The following ARHGEF33 variants were observed in gnomAD, a reference collection of about 807,000 sequenced individuals.
ARHGEF33 encodes Rho guanine nucleotide exchange factor 33, also known as DH and coiled-coil domain-containing protein ENSP00000381780.
In ARHGEF33, 72 loss-of-function variants were observed where a neutral mutation model predicts 101.9. The observed-to-expected ratio is 0.71, with a 90% CI of 0.58 to 0.86. The LOEUF (loss-of-function observed/expected upper bound fraction) is 0.86, where lower values mean the gene tolerates loss of function less well. Ranked by LOEUF, ARHGEF33 falls within the 40% of genes least tolerant of loss-of-function variation. The pLI, the probability that ARHGEF33 is intolerant of heterozygous loss-of-function variation, is 0.00. For missense variants in ARHGEF33, 1,169 were observed against 1,111.3 expected (o/e 1.05, Z -0.74); for synonymous variants, 499 against 442.5 (o/e 1.13, Z -1.60).
At chr2:38,967,517 C>G (rs892570083) in intron 17 of ARHGEF33, among the ~76,000 whole-genome samples, 1 of 152,182 alleles carries the variant, frequency 6.6e-6, no homozygotes, top group Non-Finnish European at 1.5e-5. Context: ...CAACATCTGT[C>G]AAGTTGACAG....
chr2:38,894,985 G>C (rs553820357), intron 1 of ARHGEF33, among the ~76,000 whole-genome samples: 1 of 152,120 alleles, frequency 6.6e-6, no homozygotes, highest in South Asian at 2.1e-4. Context: ...AGGAAAAAAA[G>C]AGGAAGCCAA....
chr2:38,899,609 G>A (rs1356794879), intron 2 of ARHGEF33, among the ~76,000 whole-genome samples: 1 of 152,130 alleles, frequency 6.6e-6, no homozygotes, highest in Non-Finnish European at 1.5e-5. Context: ...ATTTCAGTAA[G>A]ACAGGAGGAA....
intron 9 of ARHGEF33, among the ~76,000 whole-genome samples, chr2:38,941,700 A>C (rs1667312401): frequency 6.6e-6 from 1 of 151,712 alleles, no homozygotes; most frequent in South Asian, 2.1e-4. Context: ...GCCGTCCACC[A>C]CCACACCTGG....
At chr2:38,902,804 G>T (rs1666279192) in intron 2 of ARHGEF33, among the ~76,000 whole-genome samples, 1 of 152,136 alleles carries the variant, frequency 6.6e-6, no homozygotes, top group Non-Finnish European at 1.5e-5. Context: ...AATGAGCAAA[G>T]AAATATATAA....
intron 14 of ARHGEF33, 37 bp downstream of exon 14, chr2:38,957,084 C>T: frequency 1.3e-6 from 2 of 1,550,042 alleles, no homozygotes; most frequent in African/African-American, 1.4e-5. Context: ...GGGTCGAAGA[C>T]CAGTTACTAT....
At chr2:38,945,289 A>G (rs1667414234) in intron 10 of ARHGEF33, among the ~76,000 whole-genome samples, 1 of 152,172 alleles carries the variant, frequency 6.6e-6, no homozygotes, top group South Asian at 2.1e-4. Flanking sequence ...GCTGCCAACA[A>G]TACACTCAAA....
At chr2:38,895,983 T>A (rs1666113099) in intron 2 of ARHGEF33, 134 bp downstream of exon 2, 1 of 152,208 alleles carries the variant, frequency 6.6e-6, no homozygotes, top group Non-Finnish European at 1.5e-5. Context: ...ATTCTTGGTT[T>A]GATAACCATC....
intron 1 of ARHGEF33, among the ~76,000 whole-genome samples, chr2:38,895,313 C>T (rs182257699): frequency 1.8e-4 from 28 of 152,254 alleles, no homozygotes; most frequent in East Asian, 5.8e-4. Context: ...CTTCAATTGG[C>T]GCTTAAAGAA....
At chr2:38,965,013 A>AC (rs1668022918) in intron 16 of ARHGEF33, among the ~76,000 whole-genome samples, 1 of 151,252 alleles carries the variant, frequency 6.6e-6, no homozygotes, top group Non-Finnish European at 1.5e-5. Flanking sequence ...TGTATCTGCA[A>AC]CCCCCAGTTC....
At chr2:38,967,875 C>G (rs374091146) in intron 17 of ARHGEF33, among the ~76,000 whole-genome samples, 4 of 151,270 alleles carry the variant, frequency 2.6e-5, no homozygotes, top group African/African-American at 4.9e-5. Context: ...CCACCGCACC[C>G]GGCCAGACTC....
chr2:38,896,204 T>A (rs982175457), intron 2 of ARHGEF33, among the ~76,000 whole-genome samples: 3 of 152,208 alleles, frequency 2.0e-5, no homozygotes, highest in South Asian at 4.1e-4. Context: ...AGTGGTGTGA[T>A]CTTAGGTCAC....
At chr2:38,923,461 T>G (rs758080319) in intron 4 of ARHGEF33, among the ~76,000 whole-genome samples, 7 of 152,198 alleles carry the variant, frequency 4.6e-5, no homozygotes, top group Non-Finnish European at 1.0e-4. Flanking sequence ...TCTCATTTTA[T>G]TTTCTGGATA....
chr2:38,945,205 T>G (rs1214568080), intron 10 of ARHGEF33, among the ~76,000 whole-genome samples: 4 of 152,336 alleles, frequency 2.6e-5, no homozygotes, highest in Middle Eastern at 3.4e-3. Context: ...TCATAAATTC[T>G]GAATCTACCC....
intron 9 of ARHGEF33, among the ~76,000 whole-genome samples, chr2:38,939,109 A>G (rs1454758103): frequency 6.6e-6 from 1 of 152,120 alleles, no homozygotes; most frequent in African/African-American, 2.4e-5. Context: ...AGTAGCTGGG[A>G]TTACAGGCGT....
At chr2:38,918,036 C>T (rs901979812) in intron 2 of ARHGEF33, among the ~76,000 whole-genome samples, 1 of 152,144 alleles carries the variant, frequency 6.6e-6, no homozygotes, top group African/African-American at 2.4e-5. Context: ...TTGTAAGCAA[C>T]AGCAAACAAT....
At chr2:38,917,846 AAG>A (rs1208409555) in intron 2 of ARHGEF33, among the ~76,000 whole-genome samples, 195 of 151,962 alleles carry the variant, frequency 1.3e-3, no homozygotes, top group African/African-American at 4.2e-3. Context: ...AAAAAAAAAA[AAG>A]TTTCCTGTGC....
intron 10 of ARHGEF33, among the ~76,000 whole-genome samples, chr2:38,947,633 G>A (rs1558438623): frequency 6.6e-6 from 1 of 152,146 alleles, no homozygotes; most frequent in African/African-American, 2.4e-5. Flanking sequence ...GTCATTTGTC[G>A]AAGGATCACA....
In ARHGEF33 at chr2:38,960,213, T is replaced by A; in HGVS notation, c.1908T>A (p.Ala636=). ...CCTACGACGAGGAGCCGTTCCAGGC[T>A]CCGGCCCTCTTCGAGAACTGCTCGC... is the stretch of plus-strand genomic sequence containing the variant. ...PAPYDEEPFQ[A]PALFENCSPA... Residue 636 remains alanine, a synonymous_variant, in exon 16 of 18, where the codon GCT becomes GCA. Transcript: ENST00000409978. The A allele has an allele frequency of 2.6e-6, 4 of 1,546,624 alleles. No individual in the cohort carries two copies. Among genetic ancestry groups the A allele is most frequent in the Non-Finnish European group, 3.5e-6 (4 of 1,145,196 alleles).
At chr2:38,936,762 G>A (rs577639156) in intron 8 of ARHGEF33, 20 of 151,992 alleles carry the variant, frequency 1.3e-4, no homozygotes, top group Non-Finnish European at 2.4e-4. Flanking sequence ...GATCACCTGA[G>A]GTCAGGAATT....
Sources: allele counts gnomAD v4.1 joint callset (sites outside exome capture counted in the v4.1 genomes callset), GRCh38; gene constraint gnomAD v4.1.1; transcripts MANE v1.5; gene names NCBI Gene and HGNC (gene_info 2026-07-23, HGNC 2026-07-21).